The following RNF212 variants were observed in gnomAD, a reference collection of about 807,000 sequenced individuals.
The protein encoded by RNF212 is ring finger protein 212, also known as probable E3 SUMO-protein ligase RNF212.
A neutral mutation model predicts 34.7 loss-of-function variants in RNF212; 33 were observed. The ratio of observed to expected loss-of-function variants is 0.95; its 90% confidence interval spans 0.72 to 1.27. The LOEUF (loss-of-function observed/expected upper bound fraction) is 1.27. Ranked by LOEUF, RNF212 falls within the 50% of genes most tolerant of loss-of-function variation. The pLI, the probability that RNF212 is intolerant of heterozygous loss-of-function variation, is 0.00. For missense variants in RNF212, 377 were observed against 362.2 expected (o/e 1.04, Z -0.33); for synonymous variants, 140 against 136.1 (o/e 1.03, Z -0.20).
chr4:1,079,492 CCT>C (rs112533783), intron 8 of RNF212, 149 bp downstream of exon 8: 15 of 686,470 alleles, frequency 2.2e-5, no homozygotes, highest in Non-Finnish European at 3.5e-5. Context: ...ACAGCCCACC[CCT>C]CTCACCCACG....
At chr4:1,079,285 C>G (rs542325960) in intron 8 of RNF212, among the ~76,000 whole-genome samples, 18 of 152,316 alleles carry the variant, frequency 1.2e-4, no homozygotes, top group South Asian at 1.0e-3. Flanking sequence ...AGGGTCAACA[C>G]AAGACCAACA....
At position 1,072,547 on chromosome 4, in the gene RNF212, G is replaced by A; in HGVS notation, c.*327C>T. 1 of 472,184 alleles carries A rather than the reference G, an allele frequency of 2.1e-6. No individual in the cohort carries two copies. Among genetic ancestry groups the A allele is most frequent in the South Asian group, 4.9e-5 (1 of 20,240 alleles). 29.2% of individuals were successfully genotyped at this position (472,184 alleles called of 1,614,324 possible). ...TCTGTACCTTCCTTTCAATTTTTCT[G>A]TGAACCTAAAACTGCTCTAAGAAAA... On this transcript the variant is annotated 3_prime_UTR_variant, in exon 10 of 10. Coordinates refer to ENST00000433731, the MANE Select transcript of RNF212 (RefSeq NM_001131034.4).
intron 8 of RNF212, among the ~76,000 whole-genome samples, chr4:1,078,579 A>C (rs758462806): frequency 6.6e-6 from 1 of 152,194 alleles, no homozygotes; most frequent in Non-Finnish European, 1.5e-5. Context: ...TCCTGGGCTG[A>C]CAAAGTTTAC....
At position 1,072,786 on chromosome 4, in the gene RNF212, C is replaced by A; in HGVS notation, c.*88G>T. The A allele has an allele frequency of 1.4e-6, 2 of 1,467,834 alleles. No individual in the cohort carries two copies. Among genetic ancestry groups the A allele is most frequent in the South Asian group, 2.9e-5 (2 of 68,488 alleles). The allele number at this position is 1,467,834 out of a possible 1,614,324, so 90.9% of individuals were successfully genotyped here. A position where few individuals can be genotyped will look rare whatever the true frequency, so the allele number is the denominator to read the frequency against. ...ACACTGAGGGCTTCCACATAAATGA[C>A]AAAGGAATAAAGCAGATAATTTGTA... is the stretch of plus-strand genomic sequence containing the variant. On this transcript the variant is annotated 3_prime_UTR_variant, in exon 10 of 10. Transcript: ENST00000433731.
chr4:1,074,532 C>G (rs1449327202), intron 8 of RNF212, among the ~76,000 whole-genome samples: 1 of 152,210 alleles, frequency 6.6e-6, no homozygotes, highest in Non-Finnish European at 1.5e-5. Flanking sequence ...GGTCTCTCTA[C>G]CAGCACAGGA....
chr4:1,090,674 T>A, intron 4 of RNF212, 108 bp downstream of exon 4: 2 of 727,644 alleles, frequency 2.7e-6, no homozygotes, highest in South Asian at 1.5e-5. Context: ...GAAACAGATA[T>A]TGCATCTAGC....
upstream of RNF212, chr4:1,113,604 G>A: frequency 1.8e-6 from 1 of 571,030 alleles, no homozygotes; most frequent in Non-Finnish European, 2.9e-6. Flanking sequence ...CCCGCGCACT[G>A]GAGCTCGCGC....
At chr4:1,073,690 T>C (rs1243969766) in intron 8 of RNF212, 28 bp from the exon 9 acceptor site, 4 of 1,548,108 alleles carry the variant, frequency 2.6e-6, no homozygotes, top group African/African-American at 1.4e-5. Flanking sequence ...AAACAATGGG[T>C]AAAATTCCAA....
At chr4:1,090,878 CGG>C in intron 3 of RNF212, 40 bp from the exon 4 acceptor site, 1 of 1,334,078 alleles carries the variant, frequency 7.5e-7, no homozygotes, top group Non-Finnish European at 1.1e-6. Context: ...CACAGATCCA[CGG>C]TCTCTGTGGC....
chr4:1,062,293 C>T (rs529273545), intron 3 of RNF212, among the ~76,000 whole-genome samples: 6 of 152,266 alleles, frequency 3.9e-5, no homozygotes, highest in East Asian at 1.9e-4. Context: ...CACGACCAAC[C>T]GGGATTCATC....
chr4:1,083,963 T>TTTTTTA (rs34094318), intron 5 of RNF212, among the ~76,000 whole-genome samples: 2 of 142,524 alleles, frequency 1.4e-5, no homozygotes, highest in African/African-American at 2.8e-5. Context: ...TTTTTTTTTT[T>TTTTTTA]GAGAGACGGA....
chr4:1,060,748 G>A (rs1350323254), intron 3 of RNF212, among the ~76,000 whole-genome samples: 1 of 152,268 alleles, frequency 6.6e-6, no homozygotes, highest in Admixed American at 6.5e-5. Flanking sequence ...GTGTTCTGGA[G>A]GGGACCGCGT....
intron 8 of RNF212, among the ~76,000 whole-genome samples, chr4:1,079,156 G>A (rs1400904920): frequency 1.3e-5 from 2 of 151,224 alleles, no homozygotes; most frequent in Admixed American, 6.6e-5. Flanking sequence ...GTCAACACAG[G>A]ACCAACATAG....
At chr4:1,083,593 G>C (rs1259634988) in intron 5 of RNF212, among the ~76,000 whole-genome samples, 2 of 152,136 alleles carry the variant, frequency 1.3e-5, no homozygotes, top group African/African-American at 2.4e-5. Flanking sequence ...AGCTGAGATC[G>C]TGCCACTGTA....
At chr4:1,078,205 A>G (rs956762830) in intron 8 of RNF212, among the ~76,000 whole-genome samples, 9 of 152,202 alleles carry the variant, frequency 5.9e-5, no homozygotes, top group East Asian at 1.9e-4. Context: ...AAATAAGCCA[A>G]TAACTGGCAC....
chr4:1,085,411 G>C (rs1418034247), intron 5 of RNF212, among the ~76,000 whole-genome samples: 1 of 152,234 alleles, frequency 6.6e-6, no homozygotes, highest in Non-Finnish European at 1.5e-5. Context: ...GTTAATCCTA[G>C]CAACTCTGGA....
In RNF212 at chr4:1,085,470, C is replaced by T. The variant is rs993878135; in HGVS notation, c.362+426G>A. ...CCATTCACAGCAGTGCCTTTATACACAGAACATGCCACATATATGTACCTT... is the reference window on the plus strand; with the variant it reads ...CCATTCACAGCAGTGCCTTTATACATAGAACATGCCACATATATGTACCTT... On this transcript the variant is annotated intron_variant, in intron 5 of 9. Coordinates refer to ENST00000433731, the MANE Select transcript of RNF212 (RefSeq NM_001131034.4). 8.5e-5 allele frequency among the ~76,000 whole-genome samples: 13 copies of T among 152,226 alleles called. 1 individual carries two copies. Among genetic ancestry groups the T allele is most frequent in the Middle Eastern group, 6.3e-3 (2 of 316 alleles).
At chr4:1,093,647 G>A (rs1722560504) in intron 3 of RNF212, 2 of 1,535,936 alleles carry the variant, frequency 1.3e-6, no homozygotes, top group East Asian at 4.9e-5. Flanking sequence ...GACAGCACCT[G>A]GCCTCTGCAG....
intron 2 of RNF212, among the ~76,000 whole-genome samples, chr4:1,098,400 G>C (rs956962638): frequency 1.3e-5 from 2 of 152,340 alleles, no homozygotes; most frequent in Non-Finnish European, 2.9e-5. Context: ...CCTGGGGCAG[G>C]TGCAGATGAA....
Sources: allele counts gnomAD v4.1 joint callset (sites outside exome capture counted in the v4.1 genomes callset), GRCh38; gene constraint gnomAD v4.1.1; transcripts MANE v1.5; gene names NCBI Gene and HGNC (gene_info 2026-07-23, HGNC 2026-07-21).